The following TXNDC11 variants were observed in gnomAD, a reference collection of about 807,000 sequenced individuals.
TXNDC11 encodes thioredoxin domain-containing protein 11.
TXNDC11 carries 68 observed loss-of-function variants against 78.0 expected under a neutral mutation model. The observed-to-expected ratio is 0.87, with a 90% confidence interval of 0.72 to 1.07. The LOEUF is 1.07. Among genes scored for constraint, TXNDC11 ranks in the 50% least tolerant of loss-of-function variants. The pLI is 0.00. For synonymous variants in TXNDC11, 571 were observed against 495.2 expected (o/e 1.15, Z -2.03); for missense variants, 1,389 against 1,221.8 (o/e 1.14, Z -2.04).
chr16:11,721,719 G>A (rs778896164), intron 4 of TXNDC11, 49 bp from the exon 5 acceptor site: 2 of 1,007,174 alleles, frequency 2.0e-6, no homozygotes, highest in Middle Eastern at 2.5e-4. Flanking sequence ...GTCAGCCACA[G>A]TGTAATGGAG....
chr16:11,730,327 G>C (rs943401417), intron 4 of TXNDC11, among the ~76,000 whole-genome samples: 5 of 152,156 alleles, frequency 3.3e-5, no homozygotes, highest in Non-Finnish European at 5.9e-5. Flanking sequence ...AATATTCTTA[G>C]AAATTTGCAG....
intron 3 of TXNDC11, among the ~76,000 whole-genome samples, chr16:11,732,397 A>T (rs2052082514): frequency 6.6e-6 from 1 of 152,172 alleles, no homozygotes; most frequent in Non-Finnish European, 1.5e-5. Context: ...AAATGCAAGG[A>T]CCTCAGCAGG....
intron 5 of TXNDC11, among the ~76,000 whole-genome samples, chr16:11,705,611 G>T (rs1210953404): frequency 6.6e-6 from 1 of 152,166 alleles, no homozygotes; most frequent in African/African-American, 2.4e-5. Flanking sequence ...AAGTTAAAAG[G>T]GGCCATTCAA....
At chr16:11,691,168 A>C (rs933833754) in intron 8 of TXNDC11, 122 bp downstream of exon 8, 2 of 814,924 alleles carry the variant, frequency 2.5e-6, no homozygotes, top group African/African-American at 3.4e-5. Context: ...CTAAAGACTT[A>C]AAATGAGCTA....
chr16:11,700,603 G>T, intron 5 of TXNDC11, 39 bp from the exon 6 acceptor site: 1 of 1,048,636 alleles, frequency 9.5e-7, no homozygotes, highest in African/African-American at 1.6e-5. Flanking sequence ...GAAAAGGCCT[G>T]TGCCTTAAAA....
intron 5 of TXNDC11, among the ~76,000 whole-genome samples, chr16:11,701,540 A>G (rs1181333157): frequency 6.6e-6 from 1 of 152,170 alleles, no homozygotes; most frequent in African/African-American, 2.4e-5. Flanking sequence ...AAGAGGTCAA[A>G]AAATATTTAT....
rs773358580 is a variant in TXNDC11 at position 11,700,547 on chromosome 16, G to A, written c.811C>T (p.Arg271Ter). 1.1e-5 allele frequency: 18 copies of A among 1,595,000 alleles called. No homozygotes were observed. In the African/African-American group the frequency reaches 1.9e-4, roughly 17 times the overall value. ...TGTTTATTTGTGATAACCCCAAATC[G>A]TACTGTTCCTAGGTAATCTGAAACA... is the stretch of plus-strand genomic sequence containing the variant. ...SLKKDYLGTV[R>*]FGVITNKHLA... Residue 271 changes from arginine (R) to a stop codon, truncating the protein, a stop_gained, in exon 6 of 12, where the codon CGA (arginine) becomes TGA (stop). Transcript: ENST00000283033. LOFTEE classifies it high-confidence loss of function.
intron 5 of TXNDC11, among the ~76,000 whole-genome samples, chr16:11,715,368 C>T (rs543729442): frequency 1.2e-4 from 18 of 151,454 alleles, no homozygotes; most frequent in Non-Finnish European, 2.1e-4. Context: ...TCTAGCTACT[C>T]AGAAGGCTGA....
chr16:11,740,552 T>TA (rs571122083), intron 1 of TXNDC11, among the ~76,000 whole-genome samples: 294 of 152,342 alleles, frequency 1.9e-3, no homozygotes, highest in African/African-American at 6.8e-3. Flanking sequence ...CCGATGTAAA[T>TA]AAACTTCACC....
chr16:11,696,335 G>A (rs540640611), intron 7 of TXNDC11, among the ~76,000 whole-genome samples: 6 of 152,198 alleles, frequency 3.9e-5, no homozygotes, highest in East Asian at 1.9e-4. Context: ...TCCCCTGCCC[G>A]GAACCCCGCT....
At chr16:11,717,474 T>A (rs1395566522) in intron 5 of TXNDC11, among the ~76,000 whole-genome samples, 1 of 149,364 alleles carries the variant, frequency 6.7e-6, no homozygotes, top group Non-Finnish European at 1.5e-5. Flanking sequence ...AGATTTAACT[T>A]TTTTTTAAAG....
intron 7 of TXNDC11, among the ~76,000 whole-genome samples, chr16:11,692,736 T>C (rs1415968094): frequency 1.3e-5 from 2 of 152,074 alleles, no homozygotes; most frequent in Non-Finnish European, 2.9e-5. Context: ...TTACTATATT[T>C]TTAAAAATAC....
intron 4 of TXNDC11, among the ~76,000 whole-genome samples, chr16:11,723,780 A>G (rs945601716): frequency 2.0e-5 from 3 of 152,194 alleles, no homozygotes; most frequent in African/African-American, 4.8e-5. Flanking sequence ...CCCCTAAAAG[A>G]TTCCCGAGCC....
chr16:11,684,203 G>T lies in TXNDC11; in HGVS notation c.2196C>A (p.Val732=). 2 of 1,613,716 alleles carry T rather than the reference G, an allele frequency of 1.2e-6. No individual in the cohort carries two copies. Among genetic ancestry groups the T allele is most frequent in the South Asian group, 2.2e-5 (2 of 91,012 alleles). ...AAAACAAGACAGTAGGAAGACGATC[G>T]ACCATAAATTCCCAAGGAAGGTCAT... ...SQNDLPWEFM[V]DRLPTVLFFP... Residue 732 remains valine (V), a synonymous_variant, in exon 11 of 12, where the codon GTC becomes GTA. Coordinates refer to ENST00000283033, the MANE Select transcript of TXNDC11 (RefSeq NM_015914.7).
chr16:11,686,859 T>A (rs6498238), intron 10 of TXNDC11, among the ~76,000 whole-genome samples: 1 of 152,218 alleles, frequency 6.6e-6, no homozygotes, highest in African/African-American at 2.4e-5. Context: ...CATTTGCAGC[T>A]TGAAACTCTG....
intron 5 of TXNDC11, among the ~76,000 whole-genome samples, chr16:11,705,775 G>A (rs564217088): frequency 7.9e-5 from 12 of 152,290 alleles, no homozygotes; most frequent in African/African-American, 2.6e-4. Context: ...AGCATATGGT[G>A]GAAATCTTGC....
chr16:11,690,126 T>G (rs1406633467), intron 8 of TXNDC11: 1 of 152,234 alleles, frequency 6.6e-6, no homozygotes, highest in African/African-American at 2.4e-5. Context: ...ATGAAAGGTT[T>G]CCTTCCCTAC....
At chr16:11,703,535 C>T (rs1318649540) in intron 5 of TXNDC11, 2 of 565,258 alleles carry the variant, frequency 3.5e-6, no homozygotes, top group Non-Finnish European at 6.4e-6. Flanking sequence ...CACACACACA[C>T]ACACACACAG....
rs550266529 is a variant in TXNDC11, at chr16:11,737,370, G to A, written c.255-1137C>T. ...TGAGACACAAGAATCGCTTGAACCC[G>A]GGAGGCGGAGGTTGCAGTGAGCCGA... On this transcript the variant is annotated intron_variant, in intron 1 of 11. Coordinates refer to ENST00000283033, the MANE Select transcript of TXNDC11 (RefSeq NM_015914.7). 4.0e-5 allele frequency among the ~76,000 whole-genome samples: 6 copies of A among 151,800 alleles called. No individual in the cohort carries two copies. In the East Asian group the frequency reaches 7.8e-4, roughly 20 times the overall value.
Sources: allele counts gnomAD v4.1 joint callset (sites outside exome capture counted in the v4.1 genomes callset), GRCh38; gene constraint gnomAD v4.1.1; transcripts MANE v1.5; gene names NCBI Gene and HGNC (gene_info 2026-07-23, HGNC 2026-07-21).